Variants in MTMR2 observed in about 807,000 individuals in gnomAD.
MTMR2 encodes myotubularin related protein 2.
Under a neutral mutation model 86.9 loss-of-function variants are expected in MTMR2, and 55 were observed. The observed-to-expected ratio is 0.63, with a 90% CI of 0.51 to 0.79. The LOEUF is 0.79. MTMR2 is among the 30% of genes least tolerant of loss of function. The pLI, the probability that MTMR2 is intolerant of heterozygous loss-of-function variation, is 0.00. For synonymous variants in MTMR2, 241 were observed against 266.8 expected (o/e 0.90, Z 0.94); for missense variants, 659 against 772.3 (o/e 0.85, Z 1.74).
chr11:95,890,607 G>T (rs1865682783), intron 1 of MTMR2, among the ~76,000 whole-genome samples: 1 of 152,174 alleles, frequency 6.6e-6, no homozygotes. Flanking sequence ...AGAATATAAA[G>T]TTTGAAAATA....
intron 12 of MTMR2, 136 bp downstream of exon 12, chr11:95,841,481 T>C: frequency 1.3e-6 from 1 of 750,614 alleles, no homozygotes; most frequent in Non-Finnish European, 2.4e-6. Context: ...TGACAATAAA[T>C]AGCTCTCACA....
chr11:95,897,287 A>C (rs148051410), intron 1 of MTMR2, among the ~76,000 whole-genome samples: 1 of 152,214 alleles, frequency 6.6e-6, no homozygotes, highest in African/African-American at 2.4e-5. Context: ...TATACAGATA[A>C]ATACTAAAAA....
At chr11:95,896,877 G>T (rs1007825413) in intron 1 of MTMR2, among the ~76,000 whole-genome samples, 3 of 149,568 alleles carry the variant, frequency 2.0e-5, no homozygotes, top group Non-Finnish European at 4.4e-5. Context: ...CTTTTAAGAG[G>T]TTGTCTTAAA....
At chr11:95,863,606 A>G (rs919792215) in intron 3 of MTMR2, among the ~76,000 whole-genome samples, 1 of 152,170 alleles carries the variant, frequency 6.6e-6, no homozygotes, top group African/African-American at 2.4e-5. Context: ...GCTTTATTCA[A>G]GGTTACTAAA....
chr11:95,861,402 G>GTTATTTA, intron 5 of MTMR2, among the ~76,000 whole-genome samples: 1 of 140,978 alleles, frequency 7.1e-6, no homozygotes, highest in South Asian at 2.3e-4. Context: ...ATTAAAGATG[G>GTTATTTA]TTATTATTAT....
chr11:95,889,448 G>A (rs1865633874), intron 1 of MTMR2, among the ~76,000 whole-genome samples: 1 of 145,262 alleles, frequency 6.9e-6, no homozygotes, highest in South Asian at 2.2e-4. Context: ...TTCGATACCT[G>A]ATCACGCTTT....
Position 95,836,231 on chromosome 11 carries a change from C to T in MTMR2, c.1687G>A (p.Val563Ile), listed in dbSNP as rs1183728500. 2.5e-6 allele frequency: 4 copies of T among 1,612,948 alleles called. No homozygotes were observed. The highest frequency in any genetic ancestry group is 3.3e-5 in the Admixed American group (2 of 59,928). Residue 563 changes from valine (V) to isoleucine (I), a missense_variant, in exon 14 of 15, where the codon GTC (valine) becomes ATC (isoleucine). Physicochemically the swap from Val to Ile is conservative, Grantham distance 29. Around this residue, in one of 3 missense-constraint regions of MTMR2, gnomAD observed 193 missense variants for 191.6 expected, o/e 1.01. Coordinates refer to ENST00000346299, the MANE Select transcript of MTMR2 (RefSeq NM_016156.6). ...NPLYGSYSNH[V>I]LYPVASMRHL... ...CGCATGCTGGCTACTGGATAAAGGA[C>T]ATGATTGGAATAGCTCCCATAGAGA...
intron 2 of MTMR2, among the ~76,000 whole-genome samples, chr11:95,886,421 T>C (rs1220576900): frequency 2.0e-5 from 3 of 152,180 alleles, no homozygotes; most frequent in Admixed American, 1.3e-4. Context: ...TTTGTCCAAA[T>C]GTAAGCCAGT....
intron 1 of MTMR2, among the ~76,000 whole-genome samples, chr11:95,923,433 T>C (rs1867006517): frequency 6.6e-6 from 1 of 151,454 alleles, no homozygotes; most frequent in Non-Finnish European, 1.5e-5. Context: ...AGAAAAGGGC[T>C]GGGCAAGAAC....
intron 2 of MTMR2, among the ~76,000 whole-genome samples, chr11:95,869,373 C>T (rs1040315823): frequency 6.6e-6 from 1 of 152,108 alleles, no homozygotes; most frequent in Non-Finnish European, 1.5e-5. Flanking sequence ...GTAATAGAAG[C>T]ATCAACAGAA....
intron 2 of MTMR2, among the ~76,000 whole-genome samples, chr11:95,869,988 A>C (rs1864792574): frequency 1.3e-5 from 2 of 152,162 alleles, no homozygotes; most frequent in Non-Finnish European, 1.5e-5. Context: ...AGGTGTATGC[A>C]TTTTTCTAAA....
intron 10 of MTMR2, among the ~76,000 whole-genome samples, chr11:95,846,193 G>C (rs946063040): frequency 6.6e-6 from 1 of 152,126 alleles, no homozygotes; most frequent in Non-Finnish European, 1.5e-5. Flanking sequence ...GTGCATATAC[G>C]AAGTTAAGAA....
At chr11:95,893,749 T>C (rs1431164536) in intron 1 of MTMR2, among the ~76,000 whole-genome samples, 1 of 152,152 alleles carries the variant, frequency 6.6e-6, no homozygotes, top group Admixed American at 6.6e-5. Flanking sequence ...ACATCCAATC[T>C]ATCCAAAGTC....
chr11:95,857,646 G>A lies in MTMR2; in HGVS notation c.571-11C>T, dbSNP rs779624927. The A allele has an allele frequency of 1.3e-6, 2 of 1,533,054 alleles. No homozygotes were observed. The highest frequency in any genetic ancestry group is 1.1e-5 in the South Asian group (1 of 89,316). 95.0% of individuals were successfully genotyped at this position (1,533,054 alleles called of 1,614,324 possible). ...AAAAGCAAAAAGAGGCTACAAAAAA[G>A]TAAACAATGGTAAGAGCTAAAAAAG... On this transcript the variant is annotated splice_polypyrimidine_tract_variant and intron_variant, in intron 6 of 14. Coordinates refer to ENST00000346299, the MANE Select transcript of MTMR2 (RefSeq NM_016156.6).
intron 1 of MTMR2, among the ~76,000 whole-genome samples, chr11:95,910,141 A>G (rs1032979845): frequency 4.0e-5 from 6 of 151,792 alleles, no homozygotes; most frequent in African/African-American, 1.4e-4. Context: ...ACACACACAC[A>G]CACACACCCT....
chr11:95,887,685 C>CCTCAAATCAGGAGAAAAGT lies in MTMR2; in HGVS notation c.186+470_186+471insACTTTTCTCCTGATTTGAG. ...TAGCTCCCGAACTGGACTGCATGGG[C>CCTCAAATCAGGAGAAAAGT]TGGAACACCGGCAATAGAATTTATT... On this transcript the variant is annotated intron_variant, in intron 2 of 14. Transcript: ENST00000346299. 1.6e-3 allele frequency: 284 copies of CCTCAAATCAGGAGAAAAGT among 176,142 alleles called. 137 individuals carry two copies. The highest frequency in any genetic ancestry group is 2.5e-3 in the Non-Finnish European group (214 of 84,044). 10.9% of individuals were successfully genotyped at this position (176,142 alleles called of 1,614,324 possible).
chr11:95,904,168 T>C (rs1866173035), intron 1 of MTMR2, among the ~76,000 whole-genome samples: 1 of 152,006 alleles, frequency 6.6e-6, no homozygotes, highest in Non-Finnish European at 1.5e-5. Flanking sequence ...AAATCCCTCA[T>C]TAAACTCTAT....
chr11:95,915,434 A>C (rs962306495), intron 1 of MTMR2, among the ~76,000 whole-genome samples: 2 of 152,184 alleles, frequency 1.3e-5, no homozygotes, highest in African/African-American at 4.8e-5. Flanking sequence ...GGAGACTTAT[A>C]TACATATGCT....
chr11:95,867,406 A>C (rs1277369732), intron 2 of MTMR2, among the ~76,000 whole-genome samples: 1 of 152,188 alleles, frequency 6.6e-6, no homozygotes, highest in Non-Finnish European at 1.5e-5. Flanking sequence ...GTTCTGGCAA[A>C]GGCACACAGA....
Sources: allele counts gnomAD v4.1 joint callset (sites outside exome capture counted in the v4.1 genomes callset), GRCh38; gene constraint gnomAD v4.1.1; regional missense constraint gnomAD v4.1.1; transcripts MANE v1.5; gene names NCBI Gene and HGNC (gene_info 2026-07-23, HGNC 2026-07-21).